Variants in TRPC5 observed in about 807,000 individuals in gnomAD.
TRPC5 encodes the protein transient receptor potential cation channel subfamily C member 5.
A neutral mutation model predicts 56.5 loss-of-function variants in TRPC5; 9 were observed. That is an observed-to-expected ratio of 0.16 (90% CI 0.10 to 0.28). The LOEUF is 0.28. TRPC5 is among the 10% of genes least tolerant of loss of function. The pLI, the probability that TRPC5 is intolerant of heterozygous loss-of-function variation, is 1.00. For synonymous variants in TRPC5, 282 were observed against 278.5 expected, an observed-to-expected ratio of 1.01 and a Z score of -0.13; for missense variants, 469 against 748.9, an observed-to-expected ratio of 0.63 and a Z score of 4.36.
At chrX:111,808,551 C>T (rs972214971) in intron 7 of TRPC5, among the ~76,000 whole-genome samples, 1 of 110,757 alleles carries the variant, frequency 9.0e-6, no homozygotes, top group Admixed American at 9.7e-5. Context: ...AGTGGTACCC[C>T]CTTTGGTGCA....
At chrX:112,054,618 G>A (rs1335065979) in intron 1 of TRPC5, among the ~76,000 whole-genome samples, 3 of 111,041 alleles carry the variant, frequency 2.7e-5, no homozygotes, top group Non-Finnish European at 5.7e-5. Flanking sequence ...TGAGAGAGGT[G>A]GGTATAGAGA....
intron 1 of TRPC5, among the ~76,000 whole-genome samples, chrX:112,025,533 TAA>T (rs1929391033): frequency 8.9e-6 from 1 of 111,755 alleles, no homozygotes; most frequent in Non-Finnish European, 1.9e-5. Flanking sequence ...TGGCCTGACA[TAA>T]GTTATTGGTA....
At chrX:111,871,321 A>ATT (rs57494463) in intron 3 of TRPC5, among the ~76,000 whole-genome samples, 161 of 104,692 alleles carry the variant, frequency 1.5e-3, no homozygotes, top group African/African-American at 5.3e-3. Flanking sequence ...ATTTTCATGC[A>ATT]TTTTTTTTTT....
At chrX:112,053,061 A>G (rs1448879739) in intron 1 of TRPC5, among the ~76,000 whole-genome samples, 1 of 111,625 alleles carries the variant, frequency 9.0e-6, no homozygotes, top group Admixed American at 9.5e-5. Flanking sequence ...TATGAAGCTG[A>G]GGGGTGGGGT....
chrX:111,822,136 C>G (rs1439780145), intron 7 of TRPC5, among the ~76,000 whole-genome samples: 4 of 111,934 alleles, frequency 3.6e-5, no homozygotes, highest in African/African-American at 1.3e-4. Flanking sequence ...CTTTGCAAAA[C>G]TGTGATGATG....
intron 1 of TRPC5, among the ~76,000 whole-genome samples, chrX:112,078,407 G>A (rs1350229421): frequency 8.9e-6 from 1 of 111,753 alleles, no homozygotes; most frequent in Non-Finnish European, 1.9e-5. Context: ...AATGTATTTC[G>A]TATCAGCAAA....
Position 111,776,007 on chromosome X carries a change from G to T in TRPC5, c.*306C>A, listed in dbSNP as rs1238775475. 1.5e-5 allele frequency: 3 copies of T among 197,274 alleles called. No individual in the cohort carries two copies. The highest frequency in any genetic ancestry group is 1.9e-5 in the Non-Finnish European group (2 of 107,935). The allele number at this position is 197,274 out of a possible 1,213,427, so 16.3% of individuals were successfully genotyped here. On this transcript the variant is annotated 3_prime_UTR_variant, in exon 11 of 11. Coordinates refer to ENST00000262839, the MANE Select transcript of TRPC5 (RefSeq NM_012471.3). ...CACCTGGGGCTTCAAGGAAGCATGG[G>T]TGAGAAAAGCAAAGCAAAAAGGTTA...
At chrX:111,973,057 T>TG (rs1169055066) in intron 1 of TRPC5, among the ~76,000 whole-genome samples, 1 of 112,089 alleles carries the variant, frequency 8.9e-6, no homozygotes. Flanking sequence ...TCACTGCTAG[T>TG]GGGTAGTCAG....
intron 3 of TRPC5, chrX:111,901,698 C>T (rs1050324346): frequency 6.1e-5 from 25 of 408,834 alleles, no homozygotes; most frequent in African/African-American, 6.1e-4. Context: ...TCATTCTTTA[C>T]TTGATCACCA....
At chrX:111,852,624 C>G (rs1319115254) in intron 4 of TRPC5, among the ~76,000 whole-genome samples, 187 bp from the exon 5 acceptor site, 1 of 111,555 alleles carries the variant, frequency 9.0e-6, no homozygotes, top group Non-Finnish European at 1.9e-5. Context: ...CTTGCCAAAC[C>G]TGGTAGGCTT....
chrX:111,898,010 G>A (rs752980981), intron 3 of TRPC5, among the ~76,000 whole-genome samples: 1 of 110,344 alleles, frequency 9.1e-6, no homozygotes, highest in African/African-American at 3.3e-5. Context: ...AAATGTGTGT[G>A]AGAATTCTGG....
chrX:111,963,210 A>G (rs1927442236), intron 1 of TRPC5, among the ~76,000 whole-genome samples: 2 of 112,077 alleles, frequency 1.8e-5, no homozygotes, highest in Admixed American at 9.4e-5. Context: ...CTACGCCCAC[A>G]GAGTCTTGCT....
chrX:111,909,154 A>T (rs1925726260), intron 3 of TRPC5, among the ~76,000 whole-genome samples: 3 of 24,429 alleles, frequency 1.2e-4, no homozygotes, highest in African/African-American at 2.5e-4. Context: ...AAATTAATTA[A>T]AAAAAAAAAA....
chrX:111,861,472 C>G (rs1293398445), intron 3 of TRPC5, among the ~76,000 whole-genome samples: 3 of 110,995 alleles, frequency 2.7e-5, no homozygotes, highest in Non-Finnish European at 5.7e-5. Context: ...ATTTTTATGC[C>G]TTCTTATAAT....
chrX:111,910,258 A>T (rs774388003), intron 3 of TRPC5, among the ~76,000 whole-genome samples: 1 of 112,238 alleles, frequency 8.9e-6, no homozygotes, highest in Non-Finnish European at 1.9e-5. Flanking sequence ...TTTTTCTCAC[A>T]GTATTATAAC....
At chrX:111,927,517 A>C in intron 2 of TRPC5, among the ~76,000 whole-genome samples, 1 of 111,723 alleles carries the variant, frequency 9.0e-6, no homozygotes, top group Middle Eastern at 4.6e-3. Flanking sequence ...TGGACTAGAA[A>C]AGTCATCTCT....
At chrX:111,837,042 G>A (rs755632667) in intron 6 of TRPC5, among the ~76,000 whole-genome samples, 3 of 112,495 alleles carry the variant, frequency 2.7e-5, no homozygotes, top group East Asian at 2.8e-4. Flanking sequence ...TCAGCATCAC[G>A]CTGCTAGAGA....
At chrX:111,889,321 G>A (rs753030631) in intron 3 of TRPC5, among the ~76,000 whole-genome samples, 1 of 112,032 alleles carries the variant, frequency 8.9e-6, no homozygotes, top group East Asian at 2.8e-4. Context: ...ATAATTAAAA[G>A]TGTGTTTCAG....
In TRPC5 at chrX:111,972,520, A is replaced by C. The variant is rs1292700631; in HGVS notation, c.-21-20079T>G. Among the ~76,000 whole-genome samples, 3 of 112,115 alleles carry C rather than the reference A, an allele frequency of 2.7e-5. No homozygotes were observed. In the East Asian group the frequency reaches 8.4e-4, roughly 32 times the overall value. On this transcript the variant is annotated intron_variant, in intron 1 of 10. Transcript: ENST00000262839. Reference sequence around the variant, plus strand: ...CGATACAAAATTTTTACAGGGGCAAAGGTCAGCATTGTTCTGCCCCTGGGA... The same window carrying C: ...CGATACAAAATTTTTACAGGGGCAACGGTCAGCATTGTTCTGCCCCTGGGA...
Sources: gnomAD v4.1 joint callset for allele counts (sites outside exome capture counted in the v4.1 genomes callset) on GRCh38, gnomAD v4.1.1 for gene constraint, MANE v1.5 for transcripts, NCBI Gene and HGNC (gene_info 2026-07-23, HGNC 2026-07-21) for gene names.